The following LIAS variants were observed in gnomAD, a reference collection of about 807,000 sequenced individuals.
LIAS encodes lipoyl synthase, mitochondrial.
In LIAS, 36 loss-of-function variants were observed where a neutral mutation model predicts 49.4. That is an observed-to-expected ratio of 0.73 (90% CI 0.56 to 0.96). The LOEUF is 0.96. LIAS is among the 40% of genes least tolerant of loss of function. LIAS has a pLI of 0.00. For missense variants in LIAS, 399 were observed against 456.3 expected, an observed-to-expected ratio of 0.87 and a Z score of 1.14; for synonymous variants, 145 against 155.8, an observed-to-expected ratio of 0.93 and a Z score of 0.52.
intron 10 of LIAS, chr4:39,475,926 A>C (rs1745180117): frequency 6.6e-6 from 1 of 152,214 alleles, no homozygotes; most frequent in Non-Finnish European, 1.5e-5. Context: ...ATGAACTAGT[A>C]GCTCATCATA....
chr4:39,470,138 A>T lies in LIAS; in HGVS notation c.857A>T (p.Asp286Val). 1.2e-6 allele frequency: 2 copies of T among 1,613,514 alleles called. No individual in the cohort carries two copies. Among genetic ancestry groups the T allele is most frequent in the Non-Finnish European group, 1.7e-6 (2 of 1,179,746 alleles). Residue 286 changes from aspartate to valine, a missense_variant, in exon 8 of 11, where the codon GAT becomes GTT. By Grantham distance (152) the Asp-to-Val change is radical. Transcript: ENST00000640888. ...ATAATGTTGGGTTTAGGCGAGAATG[A>T]TGAGCAAGTATATGCAACAATGAAA... ...TSIMLGLGEN[D>V]EQVYATMKAL...
At chr4:39,460,146 C>A (rs151219494) in intron 1 of LIAS, among the ~76,000 whole-genome samples, 1 of 152,324 alleles carries the variant, frequency 6.6e-6, no homozygotes, top group African/African-American at 2.4e-5. Flanking sequence ...AACTGTGGCA[C>A]CTTCTTCAGT....
rs185737442 is a variant in LIAS, at chr4:39,460,845, A to G, written c.101A>G (p.Lys34Arg). 8.1e-6 allele frequency: 13 copies of G among 1,607,240 alleles called. No homozygotes were observed. The Admixed American group carries it at 2.0e-4, about 25-fold the overall frequency. ...AGACCGTTAAGCTCCTTGCCAGATA[A>G]AAAAAAGGAACTCCTACAGAATGGA... ...PVRPLSSLPD[K>R]KKELLQNGPD... is the part of the protein sequence containing the mutation. The change falls in exon 2 of 11, where the codon AAA becomes AGA. Residue 34 changes from lysine to arginine, a missense_variant. Around this residue, in one of 3 missense-constraint regions of LIAS, gnomAD observed 159 missense variants for 147.6 expected, o/e 1.08. Transcript: ENST00000640888.
intron 1 of LIAS, among the ~76,000 whole-genome samples, chr4:39,460,012 C>A (rs1744379970): frequency 6.6e-6 from 1 of 152,038 alleles, no homozygotes; most frequent in Non-Finnish European, 1.5e-5. Context: ...TTTTAACCTT[C>A]CAGTTGTCTG....
At position 39,465,219 on chromosome 4, in the gene LIAS, G is replaced by A. The variant is rs377361666; in HGVS notation, c.550+17G>A. ...ATCGAGATGGTTAGTGTGTCATCATGGCCTCTACCAGAAACTGGCTCTAAA... is the reference window on the plus strand; with the variant it reads ...ATCGAGATGGTTAGTGTGTCATCATAGCCTCTACCAGAAACTGGCTCTAAA... On this transcript the variant is annotated intron_variant, in intron 5 of 10. Coordinates refer to ENST00000640888, the MANE Select transcript of LIAS (RefSeq NM_006859.4). The A allele has an allele frequency of 1.9e-6, 3 of 1,612,592 alleles. No homozygotes were observed. The highest frequency in any genetic ancestry group is 2.5e-6 in the Non-Finnish European group (3 of 1,179,140).
In LIAS at chr4:39,461,096, A is replaced by G. The variant is rs917482979; in HGVS notation, c.218+134A>G. 108 of 729,836 alleles carry G rather than the reference A, an allele frequency of 1.5e-4. 1 individual carries two copies. The highest frequency in any genetic ancestry group is 1.7e-5 in the Non-Finnish European group (8 of 462,658). 45.2% of individuals were successfully genotyped at this position (729,836 alleles called of 1,614,324 possible). On this transcript the variant is annotated intron_variant, in intron 2 of 10. Coordinates refer to ENST00000640888, the MANE Select transcript of LIAS (RefSeq NM_006859.4). ...AGCTAAAAATCATTAGAAAGATGTGATAACAGAACTAGATAGAACAAGTAA... is the reference window on the plus strand; with the variant it reads ...AGCTAAAAATCATTAGAAAGATGTGGTAACAGAACTAGATAGAACAAGTAA...
intron 6 of LIAS, 121 bp from the exon 7 acceptor site, chr4:39,467,397 T>C: frequency 1.0e-6 from 1 of 962,950 alleles, no homozygotes; most frequent in Non-Finnish European, 1.5e-6. Context: ...ATACTTTTCT[T>C]GACAAAGTTC....
At chr4:39,467,964 A>G (rs1744822047) in intron 7 of LIAS, 3 of 152,018 alleles carry the variant, frequency 2.0e-5, no homozygotes, top group Admixed American at 2.0e-4. Flanking sequence ...TAATTTTTAT[A>G]TTACAAACAT....
At chr4:39,471,792 C>T (rs915088065) in intron 9 of LIAS, among the ~76,000 whole-genome samples, 2 of 151,788 alleles carry the variant, frequency 1.3e-5, no homozygotes, top group Admixed American at 6.6e-5. Context: ...CCTCCCAAAG[C>T]GCTAGGATTA....
intron 3 of LIAS, among the ~76,000 whole-genome samples, chr4:39,463,099 CTT>C (rs1191165140): frequency 0.063 from 8,832 of 140,810 alleles, 224 homozygotes; most frequent in African/African-American, 0.073. Flanking sequence ...GTTTAACAGC[CTT>C]TTTTTTTTTT....
chr4:39,465,807 C>T (rs190405382), intron 6 of LIAS, among the ~76,000 whole-genome samples: 5 of 152,078 alleles, frequency 3.3e-5, no homozygotes, highest in Admixed American at 2.0e-4. Flanking sequence ...TAGAGGCCCA[C>T]GCCACCAAGC....
intron 1 of LIAS, among the ~76,000 whole-genome samples, chr4:39,459,489 C>T (rs778666510): frequency 3.3e-5 from 5 of 152,176 alleles, no homozygotes; most frequent in Non-Finnish European, 7.4e-5. Flanking sequence ...GTGTGTGAGA[C>T]ACCACTCTAG....
intron 7 of LIAS, among the ~76,000 whole-genome samples, chr4:39,468,616 C>T (rs1014461523): frequency 2.7e-5 from 4 of 146,960 alleles, no homozygotes; most frequent in Admixed American, 6.8e-5. Context: ...TCGTGGCTCA[C>T]GCCTATAATC....
In LIAS at chr4:39,470,059, C is replaced by T. The variant is rs373816064; in HGVS notation, c.778C>T (p.Arg260Cys). Reference sequence around the variant, plus strand: ...TCGGGCCAATTTTGATCAGTCCCTACGTGTACTGAAACATGCCAAGAAGGT... The same window carrying T: ...TCGGGCCAATTTTGATCAGTCCCTATGTGTACTGAAACATGCCAAGAAGGT... ...DPRANFDQSL[R>C]VLKHAKKVQP... Residue 260 changes from arginine (R) to cysteine (C), a missense_variant, in exon 8 of 11, where the codon CGT becomes TGT. Physicochemically the swap from Arg to Cys is radical, Grantham distance 180 (BLOSUM62 -3). Transcript: ENST00000640888. 1.1e-5 allele frequency: 17 copies of T among 1,613,854 alleles called. No individual in the cohort carries two copies. Among genetic ancestry groups the T allele is most frequent in the East Asian group, 2.2e-5 (1 of 44,878 alleles).
At chr4:39,469,811 C>G (rs1351742840) in intron 7 of LIAS, 2 of 409,062 alleles carry the variant, frequency 4.9e-6, no homozygotes, top group Non-Finnish European at 8.6e-6. Context: ...CTACTTTTCT[C>G]TGCCCCAGGC....
In LIAS at chr4:39,467,642, C is replaced by G; in HGVS notation, c.733C>G (p.Gln245Glu). The part of the protein sequence containing the change: ...AHNVETVPEL[Q>E]SKVRDPRANF... ...TAATGTAGAAACAGTCCCGGAATTA[C>G]AGAGGTGAATACGTGTACAAAGTAA... Residue 245 changes from glutamine to glutamate, a missense_variant, in exon 7 of 11, where the codon CAG (glutamine) becomes GAG (glutamate). Physicochemically the swap from Gln to Glu is conservative, Grantham distance 29 (BLOSUM62 2). Around this residue, in one of 3 missense-constraint regions of LIAS, gnomAD observed 234 missense variants for 292.2 expected, o/e 0.80. Transcript: ENST00000640888. 1 of 1,577,758 alleles carries G rather than the reference C, an allele frequency of 6.3e-7. No homozygotes were observed. The highest frequency in any genetic ancestry group is 8.6e-7 in the Non-Finnish European group (1 of 1,160,480).
intron 10 of LIAS, chr4:39,473,850 T>C (rs1219224096): frequency 1.3e-5 from 2 of 152,184 alleles, no homozygotes; most frequent in Non-Finnish European, 2.9e-5. Context: ...TTCCAAGGGA[T>C]AAAAAGTCAT....
chr4:39,459,463 G>C (rs1016112289), intron 1 of LIAS, among the ~76,000 whole-genome samples: 3 of 152,142 alleles, frequency 2.0e-5, no homozygotes, highest in Non-Finnish European at 4.4e-5. Context: ...TAGCTATTCT[G>C]TCTTGGACTC....
chr4:39,465,207 G>C lies in LIAS; in HGVS notation c.550+5G>C. On this transcript the variant is annotated splice_donor_5th_base_variant and intron_variant, in intron 5 of 10. Coordinates refer to ENST00000640888, the MANE Select transcript of LIAS (RefSeq NM_006859.4). ...TGACATCTGTGGATCGAGATGGTTA[G>C]TGTGTCATCATGGCCTCTACCAGAA... 2 of 1,613,394 alleles carry C rather than the reference G, an allele frequency of 1.2e-6. No homozygotes were observed. Among genetic ancestry groups the C allele is most frequent in the Non-Finnish European group, 1.7e-6 (2 of 1,179,468 alleles).
Sources: gnomAD v4.1 joint callset for allele counts (sites outside exome capture counted in the v4.1 genomes callset) on GRCh38, gnomAD v4.1.1 for gene constraint, gnomAD v4.1.1 regional missense constraint, MANE v1.5 for transcripts, NCBI Gene and HGNC (gene_info 2026-07-23, HGNC 2026-07-21) for gene names.